ACAP2: variants seen among roughly 807,000 people sequenced by gnomAD.
ACAP2 encodes the protein ArfGAP with coiled-coil, ankyrin repeat and PH domains 2, also known as arf-GAP with coiled-coil, ANK repeat and PH domain-containing protein 2.
Under a neutral mutation model 115.8 loss-of-function variants are expected in ACAP2, and 39 were observed. The ratio of observed to expected loss-of-function variants is 0.34; its 90% CI spans 0.26 to 0.44. ACAP2 has a LOEUF of 0.44. ACAP2 is among the 20% of genes least tolerant of loss of function. The pLI is 1.00. For synonymous variants in ACAP2, 289 were observed against 315.8 expected (o/e 0.92, Z 0.90); for missense variants, 662 against 927.6 (o/e 0.71, Z 3.72).
intron 15 of ACAP2, among the ~76,000 whole-genome samples, chr3:195,297,502 T>C (rs777354208): frequency 1.3e-4 from 20 of 152,204 alleles, no homozygotes; most frequent in Non-Finnish European, 2.8e-4. Flanking sequence ...TGCTAGAAGA[T>C]TATCACCCCC....
chr3:195,369,629 G>A (rs1445952160), intron 4 of ACAP2, among the ~76,000 whole-genome samples: 1 of 152,160 alleles, frequency 6.6e-6, no homozygotes, highest in African/African-American at 2.4e-5. Context: ...CAGTACATAT[G>A]TATCACATTT....
chr3:195,422,219 C>CT (rs1222601080), intron 1 of ACAP2, among the ~76,000 whole-genome samples: 1 of 152,078 alleles, frequency 6.6e-6, no homozygotes, highest in Non-Finnish European at 1.5e-5. Context: ...ACTCCTGTCC[C>CT]TTTTTTTAAC....
intron 2 of ACAP2, among the ~76,000 whole-genome samples, chr3:195,387,438 T>C (rs58067895): frequency 0.3 from 46,120 of 152,038 alleles, 8,065 homozygotes; most frequent in East Asian, 0.82. Flanking sequence ...GGGATATCAA[T>C]TTTGCAATAT....
intron 9 of ACAP2, chr3:195,326,480 A>G (rs1207694452): frequency 3.2e-5 from 5 of 158,610 alleles, no homozygotes; most frequent in African/African-American, 1.2e-4. Flanking sequence ...AAAGTCTGTA[A>G]GACCAAACAC....
intron 1 of ACAP2, among the ~76,000 whole-genome samples, chr3:195,413,198 A>G (rs1190105898): frequency 1.3e-5 from 2 of 152,104 alleles, no homozygotes; most frequent in African/African-American, 4.8e-5. Flanking sequence ...CTATTGCCGT[A>G]TTTTCTTTGG....
chr3:195,320,956 G>A, intron 9 of ACAP2, 143 bp from the exon 10 acceptor site: 41 of 508,216 alleles, frequency 8.1e-5, no homozygotes, highest in South Asian at 2.8e-4. Flanking sequence ...AAATGAAGGG[G>A]GACTTAAATG....
At chr3:195,320,589 T>C in intron 10 of ACAP2, 112 bp downstream of exon 10, 1 of 651,790 alleles carries the variant, frequency 1.5e-6, no homozygotes, top group South Asian at 3.1e-5. Context: ...GGAAAGTTTC[T>C]ATGGAATTTA....
At chr3:195,407,667 T>TAA (rs1264367850) in intron 1 of ACAP2, among the ~76,000 whole-genome samples, 1 of 151,880 alleles carries the variant, frequency 6.6e-6, no homozygotes, top group African/African-American at 2.4e-5. Context: ...ACTGCACTCC[T>TAA]GCCTGGGCAA....
At chr3:195,320,854 T>C in intron 9 of ACAP2, 41 bp from the exon 10 acceptor site, 1 of 1,366,080 alleles carries the variant, frequency 7.3e-7, no homozygotes, top group Non-Finnish European at 1.0e-6. Flanking sequence ...ATGACTTGAC[T>C]AAGTTTCCTA....
At chr3:195,387,291 A>G (rs912361405) in intron 2 of ACAP2, among the ~76,000 whole-genome samples, 16 of 152,182 alleles carry the variant, frequency 1.1e-4, no homozygotes. Flanking sequence ...TAATATCCCT[A>G]ATTCATTCAA....
intron 4 of ACAP2, chr3:195,349,706 T>A: frequency 5.7e-6 from 1 of 175,670 alleles, no homozygotes; most frequent in Admixed American, 6.3e-5. Context: ...CATCCTGCCA[T>A]CGATAAGGTG....
At chr3:195,343,722 G>A (rs566420556) in intron 5 of ACAP2, among the ~76,000 whole-genome samples, 1 of 152,078 alleles carries the variant, frequency 6.6e-6, no homozygotes, top group Non-Finnish European at 1.5e-5. Context: ...GAAACACTTG[G>A]TTCATTAATG....
intron 1 of ACAP2, among the ~76,000 whole-genome samples, chr3:195,415,926 G>T (rs997721664): frequency 6.6e-6 from 1 of 152,002 alleles, no homozygotes; most frequent in Non-Finnish European, 1.5e-5. Context: ...ATTAACAAAG[G>T]ATTAGACTAT....
rs1726299507 is a variant in ACAP2 at position 195,278,811 on chromosome 3, A to G, written c.*517T>C. The G allele has an allele frequency of 6.6e-6, 1 of 152,586 alleles. No homozygotes were observed. Among genetic ancestry groups the G allele is most frequent in the South Asian group, 2.1e-4 (1 of 4,870 alleles). The allele number at this position is 152,586 out of a possible 1,614,324, so 9.5% of individuals were successfully genotyped here. A position where few individuals can be genotyped will look rare whatever the true frequency, so the allele number is the denominator to read the frequency against. ...ATTCTCTAGTTCTAATAAATCATAT[A>G]TTATGTGTATGAAAGCTAGGTTACC... On this transcript the variant is annotated 3_prime_UTR_variant, in exon 23 of 23. Coordinates refer to ENST00000326793, the MANE Select transcript of ACAP2 (RefSeq NM_012287.6).
In ACAP2 at chr3:195,326,975, A is replaced by T. The variant is rs1360959763; in HGVS notation, c.670-16T>A. ...GTCGATCCAACTGTAAAAAGGGAAA[A>T]GAGAAAACTGCAGACTTAAAAAAAG... On this transcript the variant is annotated splice_polypyrimidine_tract_variant and intron_variant, in intron 8 of 22. Coordinates refer to ENST00000326793, the MANE Select transcript of ACAP2 (RefSeq NM_012287.6). The T allele has an allele frequency of 4.3e-6, 7 of 1,609,684 alleles. No individual in the cohort carries two copies. The highest frequency in any genetic ancestry group is 4.2e-6 in the Non-Finnish European group (5 of 1,176,976).
rs558006882 is a variant in ACAP2 at position 195,429,186 on chromosome 3, G to A, written c.53+13609C>T. On this transcript the variant is annotated intron_variant, in intron 1 of 22. Coordinates refer to ENST00000326793, the MANE Select transcript of ACAP2 (RefSeq NM_012287.6). ...GTGAATCACTTGAGGTCAGGAGTTC[G>A]AGACCAGCCTGGCCAACATGATAAA... 1.4e-4 allele frequency among the ~76,000 whole-genome samples: 22 copies of A among 152,072 alleles called. No homozygotes were observed. The South Asian group carries it at 3.3e-3, about 23-fold the overall frequency.
intron 1 of ACAP2, among the ~76,000 whole-genome samples, chr3:195,438,719 C>A (rs1353295392): frequency 1.3e-5 from 2 of 151,996 alleles, no homozygotes; most frequent in Non-Finnish European, 2.9e-5. Context: ...CATAATTCAC[C>A]CACAAACACC....
intron 1 of ACAP2, among the ~76,000 whole-genome samples, chr3:195,423,209 G>A (rs968125938): frequency 6.6e-6 from 1 of 152,066 alleles, no homozygotes; most frequent in African/African-American, 2.4e-5. Context: ...ATACATGCAT[G>A]TAAGATAAAG....
intron 4 of ACAP2, among the ~76,000 whole-genome samples, chr3:195,372,738 C>T (rs1347424953): frequency 1.3e-5 from 2 of 151,994 alleles, no homozygotes; most frequent in African/African-American, 2.4e-5. Flanking sequence ...CACTTGAGCC[C>T]AGGAGATAGA....
Sources: gnomAD v4.1 joint callset for allele counts (sites outside exome capture counted in the v4.1 genomes callset) on GRCh38, gnomAD v4.1.1 for gene constraint, MANE v1.5 for transcripts, NCBI Gene and HGNC (gene_info 2026-07-23, HGNC 2026-07-21) for gene names.